Variants in KLF12 observed in about 807,000 individuals in gnomAD.
KLF12 encodes KLF transcription factor 12.
Under a neutral mutation model 37.8 loss-of-function variants are expected in KLF12, and 9 were observed. The observed-to-expected ratio is 0.24, with a 90% CI of 0.14 to 0.42. The LOEUF (loss-of-function observed/expected upper bound fraction) is 0.42, where lower values mean the gene tolerates loss of function less well. KLF12 is among the 10% of genes least tolerant of loss of function. The pLI is 1.00. For missense variants in KLF12, 411 were observed against 516.0 expected, an observed-to-expected ratio of 0.80 and a Z score of 1.97; for synonymous variants, 208 against 202.1, an observed-to-expected ratio of 1.03 and a Z score of -0.25.
At chr13:74,057,479 A>G (rs1334025922) in intron 1 of KLF12, among the ~76,000 whole-genome samples, 1 of 152,244 alleles carries the variant, frequency 6.6e-6, no homozygotes, top group Admixed American at 6.5e-5. Context: ...CGATGGCTAC[A>G]ATGGTAACTG....
At chr13:73,807,839 A>T (rs1211257605) in intron 5 of KLF12, among the ~76,000 whole-genome samples, 1 of 152,140 alleles carries the variant, frequency 6.6e-6, no homozygotes, top group African/African-American at 2.4e-5. Flanking sequence ...TTATATCCAC[A>T]TCCTTTAGCT....
chr13:73,813,416 T>C, intron 4 of KLF12, 129 bp from the exon 5 acceptor site: 2 of 992,070 alleles, frequency 2.0e-6, no homozygotes. Context: ...ATCACAGGAA[T>C]CAGTGAAAGC....
chr13:73,909,406 G>A (rs1888466200), intron 3 of KLF12, among the ~76,000 whole-genome samples: 1 of 152,108 alleles, frequency 6.6e-6, no homozygotes, highest in South Asian at 2.1e-4. Context: ...ACATGATGAA[G>A]CATACAACAT....
At chr13:73,774,626 T>C (rs1475765360) in intron 5 of KLF12, among the ~76,000 whole-genome samples, 1 of 152,176 alleles carries the variant, frequency 6.6e-6, no homozygotes, top group African/African-American at 2.4e-5. Flanking sequence ...ATGTAAGATA[T>C]TAACATTAGA....
intron 2 of KLF12, among the ~76,000 whole-genome samples, chr13:73,988,752 C>A (rs1891890510): frequency 6.6e-6 from 1 of 152,228 alleles, no homozygotes. Flanking sequence ...TATACAAATG[C>A]TGGTCTAAGT....
At chr13:74,117,575 A>G (rs910627381) in intron 1 of KLF12, among the ~76,000 whole-genome samples, 5 of 152,212 alleles carry the variant, frequency 3.3e-5, no homozygotes, top group Non-Finnish European at 7.3e-5. Flanking sequence ...CTTCCACAGA[A>G]CAGAGTAAGG....
chr13:74,071,452 T>C (rs564530975), intron 1 of KLF12, among the ~76,000 whole-genome samples: 27 of 151,294 alleles, frequency 1.8e-4, no homozygotes, highest in Middle Eastern at 3.4e-3. Context: ...TTTGGGAGGG[T>C]GAGGTGGGCG....
At chr13:73,994,633 T>C (rs1236322977) in intron 2 of KLF12, among the ~76,000 whole-genome samples, 1 of 152,198 alleles carries the variant, frequency 6.6e-6, no homozygotes, top group East Asian at 1.9e-4. Flanking sequence ...ATTATGTTTG[T>C]AGAAAACTGA....
the KLF12 span, among the ~76,000 whole-genome samples, chr13:74,271,749 G>A: frequency 5.9e-5 from 9 of 152,152 alleles, no homozygotes; most frequent in South Asian, 2.1e-4. Context: ...AAAGTGTGAA[G>A]GTAGGCAAGT....
At chr13:74,097,154 C>T (rs904559933) in intron 1 of KLF12, among the ~76,000 whole-genome samples, 2 of 152,128 alleles carry the variant, frequency 1.3e-5, no homozygotes, top group Non-Finnish European at 2.9e-5. Flanking sequence ...TAAAGAATCT[C>T]CAAGAACTAC....
At chr13:74,163,048 G>A in the KLF12 span, among the ~76,000 whole-genome samples, 23 of 152,106 alleles carry the variant, frequency 1.5e-4, no homozygotes, top group African/African-American at 5.6e-4. Flanking sequence ...GGAATCTGAA[G>A]GAGAGAAAAG....
chr13:73,958,644 T>C lies in KLF12; in HGVS notation c.34-14574A>G, dbSNP rs1593782357. Among the ~76,000 whole-genome samples, 3 of 152,292 alleles carry C rather than the reference T, an allele frequency of 2.0e-5. No individual in the cohort carries two copies. The East Asian group carries it at 5.8e-4, about 29-fold the overall frequency. Reference sequence around the variant, plus strand: ...TGAAGATTACATATGTGGATTGTATTCTATATCTCTTGGACAAAGCTGTTC... The same window carrying C: ...TGAAGATTACATATGTGGATTGTATCCTATATCTCTTGGACAAAGCTGTTC... On this transcript the variant is annotated intron_variant, in intron 2 of 7. Coordinates refer to ENST00000377669, the MANE Select transcript of KLF12 (RefSeq NM_007249.5).
intron 3 of KLF12, among the ~76,000 whole-genome samples, chr13:73,879,209 A>G (rs899577902): frequency 1.3e-5 from 2 of 152,136 alleles, no homozygotes; most frequent in Non-Finnish European, 2.9e-5. Flanking sequence ...TGTCTTTCAC[A>G]TGGTTTTATT....
chr13:74,127,152 C>T (rs797011732), intron 1 of KLF12, among the ~76,000 whole-genome samples: 6 of 152,158 alleles, frequency 3.9e-5, no homozygotes, highest in African/African-American at 1.4e-4. Context: ...TACAGGCACA[C>T]GCCACCAAAC....
At chr13:74,125,384 C>A (rs185817983) in intron 1 of KLF12, among the ~76,000 whole-genome samples, 3 of 152,162 alleles carry the variant, frequency 2.0e-5, no homozygotes, top group Non-Finnish European at 4.4e-5. Context: ...TATAATGTGC[C>A]ACATAATTCT....
At chr13:74,073,774 A>G (rs1593877620) in intron 1 of KLF12, among the ~76,000 whole-genome samples, 1 of 152,190 alleles carries the variant, frequency 6.6e-6, no homozygotes, top group Non-Finnish European at 1.5e-5. Flanking sequence ...AACTCCAATC[A>G]CTTCATTTAC....
At chr13:74,047,458 G>A (rs982486855) in intron 1 of KLF12, among the ~76,000 whole-genome samples, 5 of 151,550 alleles carry the variant, frequency 3.3e-5, no homozygotes, top group African/African-American at 7.3e-5. Context: ...TTAGCCAGGC[G>A]TGGTGGCGGG....
At chr13:74,254,905 G>C in the KLF12 span, among the ~76,000 whole-genome samples, 1 of 152,120 alleles carries the variant, frequency 6.6e-6, no homozygotes, top group Admixed American at 6.6e-5. Context: ...GTAAAGAAAA[G>C]GTGAGGTGGC....
chr13:74,032,942 T>TC, intron 1 of KLF12, among the ~76,000 whole-genome samples: 1 of 152,322 alleles, frequency 6.6e-6, no homozygotes, highest in East Asian at 1.9e-4. Flanking sequence ...TCTTTAAAAC[T>TC]CCATTTCTCT....
Sources: gnomAD v4.1 joint callset for allele counts (sites outside exome capture counted in the v4.1 genomes callset) on GRCh38, gnomAD v4.1.1 for gene constraint, MANE v1.5 for transcripts, NCBI Gene and HGNC (gene_info 2026-07-23, HGNC 2026-07-21) for gene names.